RAB9B: variants seen among roughly 807,000 people sequenced by gnomAD.
RAB9B encodes RAB9B, member RAS oncogene family.
RAB9B carries 1 observed loss-of-function variant against 8.9 expected under a neutral mutation model. The ratio of observed to expected loss-of-function variants is 0.11; its 90% CI spans 0.04 to 0.53. The LOEUF (loss-of-function observed/expected upper bound fraction) is 0.53, where lower values mean the gene tolerates loss of function less well. Among genes scored for constraint, RAB9B ranks in the 20% least tolerant of loss-of-function variants. The pLI is 0.93. For synonymous variants in RAB9B, 63 were observed against 57.0 expected, an observed-to-expected ratio of 1.10 and a Z score of -0.47; for missense variants, 82 against 152.9, an observed-to-expected ratio of 0.54 and a Z score of 2.45.
chrX:103,816,169 GA>G, the RAB9B span, among the ~76,000 whole-genome samples: 16 of 111,338 alleles, frequency 1.4e-4, no homozygotes, highest in East Asian at 5.6e-4. Context: ...CAAGCTACCT[GA>G]CTTCAAACTT....
the RAB9B span, among the ~76,000 whole-genome samples, chrX:103,798,022 T>C: frequency 9.1e-6 from 1 of 110,471 alleles, no homozygotes. Context: ...CGGGAGCTAG[T>C]TAGAAATGCA....
At chrX:103,785,943 A>C in the RAB9B span, 173 of 707,235 alleles carry the variant, frequency 2.4e-4, 1 homozygote, top group East Asian at 6.0e-3. Flanking sequence ...GCCCATTCAG[A>C]AAGGAGGGGT....
the RAB9B span, chrX:103,776,363 C>T: frequency 2.7e-5 from 3 of 109,885 alleles, no homozygotes; most frequent in Non-Finnish European, 5.7e-5. Flanking sequence ...GGGGGAGGAA[C>T]GCTTATTTTC....
chrX:103,803,125 G>A, the RAB9B span, among the ~76,000 whole-genome samples: 1 of 111,990 alleles, frequency 8.9e-6, no homozygotes, highest in South Asian at 3.7e-4. Context: ...GGGTTTATCT[G>A]TTTCTTTGCT....
At chrX:103,797,450 T>C in the RAB9B span, among the ~76,000 whole-genome samples, 1 of 111,927 alleles carries the variant, frequency 8.9e-6, no homozygotes. Context: ...AAAATGAAGG[T>C]GTGCTCCAGA....
At chrX:103,810,312 G>A in the RAB9B span, among the ~76,000 whole-genome samples, 1 of 111,686 alleles carries the variant, frequency 9.0e-6, no homozygotes, top group Non-Finnish European at 1.9e-5. Flanking sequence ...GTGGCTTTTT[G>A]AGGTCTGGAT....
the RAB9B span, among the ~76,000 whole-genome samples, chrX:103,813,448 G>GTTGGTT: frequency 1.9e-5 from 2 of 107,673 alleles, no homozygotes; most frequent in African/African-American, 6.7e-5. Flanking sequence ...CACAAGAACT[G>GTTGGTT]TTTGTTTTTG....
Position 103,824,231 on chromosome X carries a change from G to C in RAB9B, c.*948C>G, listed in dbSNP as rs927857436. 3.6e-5 allele frequency: 4 copies of C among 112,049 alleles called. No individual in the cohort carries two copies. The highest frequency in any genetic ancestry group is 1.3e-4 in the African/African-American group (4 of 30,835). 9.2% of individuals were successfully genotyped at this position (112,049 alleles called of 1,213,427 possible). ...GTTCCTTCTTCTGCAATAAATATTT[G>C]AGTTAAGGAGCCTTGTGAGAAAAGT... is the stretch of plus-strand genomic sequence containing the variant. On this transcript the variant is annotated 3_prime_UTR_variant, in exon 3 of 3. Coordinates refer to ENST00000243298, the MANE Select transcript of RAB9B (RefSeq NM_016370.4).
the RAB9B span, among the ~76,000 whole-genome samples, chrX:103,810,476 A>G: frequency 8.9e-6 from 1 of 112,330 alleles, no homozygotes; most frequent in East Asian, 2.8e-4. Context: ...AGGAATCTGC[A>G]TTTTAACAAA....
At position 103,825,708 on chromosome X, in the gene RAB9B, C is replaced by T; in HGVS notation, c.77G>A (p.Arg26His). 2 of 1,207,956 alleles carry T rather than the reference C, an allele frequency of 1.7e-6. No homozygotes were observed. Among genetic ancestry groups the T allele is most frequent in the Non-Finnish European group, 2.2e-6 (2 of 892,602 alleles). Reference protein sequence around the residue: ...GGVGKSSLMNRYVTNKFDSQA... With the variant: ...GGVGKSSLMNHYVTNKFDSQA... ...GGAGTCAAATTTGTTGGTTACGTAA[C>T]GGTTCATAAGCGAACTTTTCCCAAC... The change falls in exon 3 of 3, where the codon CGT becomes CAT. Residue 26 changes from arginine (R) to histidine (H), a missense_variant. Physicochemically the swap from Arg to His is conservative, Grantham distance 29. Coordinates refer to ENST00000243298, the MANE Select transcript of RAB9B (RefSeq NM_016370.4).
the RAB9B span, among the ~76,000 whole-genome samples, chrX:103,807,144 A>G: frequency 8.9e-6 from 1 of 112,245 alleles, no homozygotes; most frequent in African/African-American, 3.2e-5. Context: ...AGATATTTTA[A>G]GAGAGAAATG....
chrX:103,788,695 T>C, the RAB9B span: 1 of 472,119 alleles, frequency 2.1e-6, no homozygotes, highest in Non-Finnish European at 3.7e-6. Flanking sequence ...ACACCTGTTT[T>C]CTCTAGAGTT....
At chrX:103,821,294 A>G (rs984409271), downstream of RAB9B, among the ~76,000 whole-genome samples, 2 of 110,534 alleles carry the variant, frequency 1.8e-5, no homozygotes, top group Admixed American at 1.9e-4. Context: ...CTGCATTTGA[A>G]GCATGGTCTG....
the RAB9B span, chrX:103,786,477 C>T: frequency 8.3e-7 from 1 of 1,209,464 alleles, no homozygotes; most frequent in Non-Finnish European, 1.1e-6. Context: ...TCCATGCCTT[C>T]CAGTATGTCA....
At chrX:103,783,086 T>C in the RAB9B span, among the ~76,000 whole-genome samples, 1 of 112,115 alleles carries the variant, frequency 8.9e-6, no homozygotes, top group African/African-American at 3.2e-5. Flanking sequence ...TCTTGACTTA[T>C]AGGCTGAATC....
At chrX:103,819,753 T>A (rs1294228927), downstream of RAB9B, among the ~76,000 whole-genome samples, 1 of 112,207 alleles carries the variant, frequency 8.9e-6, no homozygotes, top group Non-Finnish European at 1.9e-5. Context: ...GAGAAAGTAG[T>A]AAAGAATGAG....
At chrX:103,796,847 CAAAAA>C in the RAB9B span, among the ~76,000 whole-genome samples, 1 of 12,102 alleles carries the variant, frequency 8.3e-5, no homozygotes, top group Non-Finnish European at 1.6e-4. Context: ...ACCGCCTCTA[CAAAAA>C]AAAAAAAAAA....
chrX:103,787,597 T>A, the RAB9B span: 1 of 431,671 alleles, frequency 2.3e-6, no homozygotes, highest in African/African-American at 2.5e-5. Context: ...CCCCCCACCC[T>A]CCGTTATACT....
At chrX:103,782,023 G>A in the RAB9B span, among the ~76,000 whole-genome samples, 1 of 112,193 alleles carries the variant, frequency 8.9e-6, no homozygotes, top group Non-Finnish European at 1.9e-5. Context: ...GGAGCCCAAT[G>A]GATCTTTTCT....
Sources: allele counts gnomAD v4.1 joint callset (sites outside exome capture counted in the v4.1 genomes callset), GRCh38; gene constraint gnomAD v4.1.1; transcripts MANE v1.5; gene names NCBI Gene and HGNC (gene_info 2026-07-23, HGNC 2026-07-21).